The following PALS2 variants were observed in gnomAD, a reference collection of about 807,000 sequenced individuals.
The protein encoded by PALS2 is protein PALS2.
PALS2 carries 27 observed loss-of-function variants against 61.6 expected under a neutral mutation model. The ratio of observed to expected loss-of-function variants is 0.44; its 90% CI spans 0.32 to 0.60. PALS2 has a LOEUF of 0.60. Among genes scored for constraint, PALS2 ranks in the 20% least tolerant of loss-of-function variants. The probability of loss-of-function intolerance (pLI) is 0.05; values close to 1 mark genes in which losing one functional copy is unlikely to be tolerated. For synonymous variants in PALS2, 236 were observed against 218.6 expected (o/e 1.08, Z -0.70); for missense variants, 554 against 639.4 (o/e 0.87, Z 1.44).
intron 11 of PALS2, among the ~76,000 whole-genome samples, chr7:24,681,205 GTTTTTTCCT>G (rs147788638): frequency 0.016 from 2,436 of 151,974 alleles, 31 homozygotes; most frequent in Non-Finnish European, 0.025. Context: ...TCTATTACAT[GTTTTTTCCT>G]TTTTTTCCTG....
At chr7:24,585,565 G>C (rs897713755) in intron 1 of PALS2, among the ~76,000 whole-genome samples, 13 of 151,992 alleles carry the variant, frequency 8.6e-5, no homozygotes, top group Admixed American at 2.0e-4. Context: ...TTTATAGTTT[G>C]TTTCCACCCT....
At chr7:24,631,290 A>C (rs1056444489) in intron 2 of PALS2, among the ~76,000 whole-genome samples, 1 of 152,202 alleles carries the variant, frequency 6.6e-6, no homozygotes, top group African/African-American at 2.4e-5. Flanking sequence ...TTAGATGACA[A>C]GTGACTTTCA....
At chr7:24,595,518 T>TATATAATATATAATATATAATATATA (rs1554299360) in intron 1 of PALS2, among the ~76,000 whole-genome samples, 2 of 91,084 alleles carry the variant, frequency 2.2e-5, no homozygotes, top group South Asian at 4.2e-4. Context: ...TAATATATAA[T>TATATAATATATAATATATAATATATA]ATATATAATA....
chr7:24,645,554 GC>G (rs1234431322), intron 3 of PALS2, among the ~76,000 whole-genome samples: 1 of 152,040 alleles, frequency 6.6e-6, no homozygotes, highest in East Asian at 1.9e-4. Flanking sequence ...GTAATGTGAT[GC>G]CCCCAGCTTT....
chr7:24,641,595 G>A, intron 2 of PALS2, 121 bp from the exon 3 acceptor site: 1 of 785,602 alleles, frequency 1.3e-6, no homozygotes. Flanking sequence ...TATTAAATTT[G>A]GTTTACATGA....
intron 2 of PALS2, among the ~76,000 whole-genome samples, chr7:24,624,844 A>G (rs1029253032): frequency 2.0e-5 from 3 of 151,860 alleles, no homozygotes; most frequent in Non-Finnish European, 2.9e-5. Context: ...CTGACCTCAC[A>G]TGATCCACCC....
intron 3 of PALS2, among the ~76,000 whole-genome samples, chr7:24,643,228 C>T (rs1159269862): frequency 6.6e-6 from 1 of 152,064 alleles, no homozygotes; most frequent in African/African-American, 2.4e-5. Context: ...ACATTGGAAG[C>T]ATCTAGGTTT....
intron 2 of PALS2, among the ~76,000 whole-genome samples, chr7:24,627,635 A>G (rs1784805480): frequency 6.6e-6 from 1 of 152,192 alleles, no homozygotes; most frequent in African/African-American, 2.4e-5. Flanking sequence ...CTAGTAAAGA[A>G]GAAAAGAGGG....
Position 24,639,471 on chromosome 7 carries a change from C to T in PALS2, c.118-2245C>T, listed in dbSNP as rs376618405. Among the ~76,000 whole-genome samples, 13 of 152,026 alleles carry T rather than the reference C, an allele frequency of 8.6e-5. No individual in the cohort carries two copies. The East Asian group carries it at 1.2e-3, about 14-fold the overall frequency. ...AGTATCCAACGCAGAAAAAAAAGCCCTTCAATAGATGTTAAGGTTCTTTCC... is the reference window on the plus strand; with the variant it reads ...AGTATCCAACGCAGAAAAAAAAGCCTTTCAATAGATGTTAAGGTTCTTTCC... On this transcript the variant is annotated intron_variant, in intron 2 of 11. Coordinates refer to ENST00000222644, the MANE Select transcript of PALS2 (RefSeq NM_001303037.2).
At position 24,576,606 on chromosome 7, in the gene PALS2, T is replaced by C. The variant is rs189969622; in HGVS notation, c.-3+3013T>C. 3.1e-4 allele frequency among the ~76,000 whole-genome samples: 47 copies of C among 152,332 alleles called. 1 individual carries two copies. Among genetic ancestry groups the C allele is most frequent in the Admixed American group, 3.0e-3 (46 of 15,304 alleles). On this transcript the variant is annotated intron_variant, in intron 1 of 11. Coordinates refer to ENST00000222644, the MANE Select transcript of PALS2 (RefSeq NM_001303037.2). ...CCTCTAACATAATGAAAGATAAGAT[T>C]CCTGAATACATTATAGCTTTCAAAG...
intron 11 of PALS2, among the ~76,000 whole-genome samples, chr7:24,685,972 T>A (rs547827753): frequency 2.6e-5 from 4 of 152,314 alleles, no homozygotes; most frequent in Non-Finnish European, 5.9e-5. Flanking sequence ...ACCAGTCGCC[T>A]GCTGTACATC....
At chr7:24,588,082 T>C (rs2128042297) in intron 1 of PALS2, among the ~76,000 whole-genome samples, 1 of 152,238 alleles carries the variant, frequency 6.6e-6, no homozygotes, top group Non-Finnish European at 1.5e-5. Context: ...AAGCAATTCA[T>C]TGGGACAGAC....
intron 2 of PALS2, among the ~76,000 whole-genome samples, chr7:24,630,592 C>G (rs527723272): frequency 6.6e-6 from 1 of 152,362 alleles, no homozygotes; most frequent in South Asian, 2.1e-4. Flanking sequence ...GATGCAGACA[C>G]AGCAGCTTTG....
intron 1 of PALS2, among the ~76,000 whole-genome samples, chr7:24,593,514 C>G (rs754126287): frequency 6.6e-6 from 1 of 152,074 alleles, no homozygotes; most frequent in African/African-American, 2.4e-5. Context: ...TGGCAGCTAT[C>G]GTCTTATGAG....
intron 1 of PALS2, among the ~76,000 whole-genome samples, chr7:24,599,139 T>TACTA (rs1350624101): frequency 6.6e-6 from 1 of 152,178 alleles, no homozygotes; most frequent in East Asian, 1.9e-4. Flanking sequence ...ACATAGATTG[T>TACTA]ACTAACACAC....
At chr7:24,612,121 A>C (rs563872893) in intron 1 of PALS2, among the ~76,000 whole-genome samples, 1 of 151,968 alleles carries the variant, frequency 6.6e-6, no homozygotes. Context: ...CTCTTTAGCT[A>C]TTCCCTTTGT....
At chr7:24,614,707 A>G (rs1784231026) in intron 1 of PALS2, among the ~76,000 whole-genome samples, 1 of 152,008 alleles carries the variant, frequency 6.6e-6, no homozygotes, top group East Asian at 1.9e-4. Context: ...GAGATACCAG[A>G]TTTAAACTGC....
intron 9 of PALS2, among the ~76,000 whole-genome samples, chr7:24,672,789 A>AT (rs1361599567): frequency 6.6e-6 from 1 of 151,958 alleles, no homozygotes; most frequent in Non-Finnish European, 1.5e-5. Flanking sequence ...TCTAATGATG[A>AT]TTTTTTTGTG....
chr7:24,624,087 A>G (rs200183808), intron 2 of PALS2: 16 of 1,329,296 alleles, frequency 1.2e-5, no homozygotes, highest in Non-Finnish European at 1.6e-5. Context: ...TCCTGATCCT[A>G]TTTCCATTTT....
Sources: gnomAD v4.1 joint callset for allele counts (sites outside exome capture counted in the v4.1 genomes callset) on GRCh38, gnomAD v4.1.1 for gene constraint, MANE v1.5 for transcripts, NCBI Gene and HGNC (gene_info 2026-07-23, HGNC 2026-07-21) for gene names.